Variants in TIMM23B observed in about 807,000 individuals in gnomAD.
TIMM23B encodes mitochondrial import inner membrane translocase subunit Tim23B.
TIMM23B carries 27 observed loss-of-function variants against 27.3 expected under a neutral mutation model. The ratio of observed to expected loss-of-function variants is 0.99; its 90% CI spans 0.73 to 1.36. TIMM23B has a LOEUF of 1.36. TIMM23B is among the 40% of genes most tolerant of loss of function. TIMM23B has a pLI of 0.00. For missense variants in TIMM23B, 205 were observed against 244.2 expected (o/e 0.84, Z 1.07); for synonymous variants, 73 against 92.4 (o/e 0.79, Z 1.21).
rs1482950526 is a variant in TIMM23B at position 49,956,965 on chromosome 10, A to T, written c.404-1405A>T. On this transcript the variant is annotated intron_variant, in intron 5 of 6. Transcript: ENST00000651259. ...CAGTTATGTGGGAATATTTCCCCAC[A>T]TACCAAGTAATCTCTTTTGCAGTGG... is the stretch of plus-strand genomic sequence containing the variant. Among the ~76,000 whole-genome samples the T allele has an allele frequency of 5.2e-4, 77 of 147,630 alleles. 6 individuals carry two copies. Among genetic ancestry groups the T allele is most frequent in the Non-Finnish European group, 1.0e-3 (66 of 65,664 alleles).
At chr10:49,966,203 GATGAAATGAATA>G (rs1338982110) in intron 6 of TIMM23B, among the ~76,000 whole-genome samples, 1 of 146,844 alleles carries the variant, frequency 6.8e-6, no homozygotes, top group East Asian at 2.1e-4. Context: ...AAAATGAAAT[GATGAAATGAATA>G]ATGAAATGCC....
chr10:49,942,247 T>C lies in TIMM23B; in HGVS notation c.53T>C (p.Phe18Ser). 4 of 1,612,906 alleles carry C rather than the reference T, an allele frequency of 2.5e-6. No homozygotes were observed. In the South Asian group the frequency reaches 4.4e-5, roughly 18 times the overall value. ...AAAACCACAGGGGTATTGGCCGGCTTTTTCGGAGCCGGCGAAGCAGGTTAC... is the reference window on the plus strand; with the variant it reads ...AAAACCACAGGGGTATTGGCCGGCTCTTTCGGAGCCGGCGAAGCAGGTTAC... ...GDKTTGVLAG[F>S]FGAGEAGYSH... Residue 18 changes from phenylalanine to serine, a missense_variant, in exon 1 of 7, where the codon TTT (phenylalanine) becomes TCT (serine). Physicochemically the swap from Phe to Ser is radical, Grantham distance 155. Transcript: ENST00000651259.
intron 2 of TIMM23B, 63 bp from the exon 3 acceptor site, chr10:49,952,063 G>A (rs1839550588): frequency 8.0e-6 from 10 of 1,248,380 alleles, no homozygotes; most frequent in Non-Finnish European, 1.2e-5. Context: ...TGTTAAAAAG[G>A]CAACTTTACA....
At chr10:49,961,779 T>C (rs1839924061) in intron 6 of TIMM23B, among the ~76,000 whole-genome samples, 1 of 149,930 alleles carries the variant, frequency 6.7e-6, no homozygotes, top group Non-Finnish European at 1.5e-5. Context: ...TTTTTCATTG[T>C]TTCTTTTTTT....
intron 6 of TIMM23B, among the ~76,000 whole-genome samples, chr10:49,960,403 T>G (rs1839859651): frequency 1.3e-5 from 2 of 150,046 alleles, no homozygotes; most frequent in Non-Finnish European, 3.0e-5. Context: ...ATTATTATCT[T>G]GATTTTTCTT....
intron 4 of TIMM23B, chr10:49,954,325 C>G: frequency 2.2e-6 from 1 of 453,606 alleles, no homozygotes; most frequent in Non-Finnish European, 4.4e-6. Flanking sequence ...CTGGTGGTGT[C>G]TGGCACTGGT....
intron 6 of TIMM23B, among the ~76,000 whole-genome samples, chr10:49,959,116 A>G (rs1839816148): frequency 6.6e-6 from 1 of 152,208 alleles, no homozygotes; most frequent in Non-Finnish European, 1.5e-5. Flanking sequence ...TTTTGGATAT[A>G]TGTGCAGAAG....
In TIMM23B at chr10:49,942,220, A is replaced by G; in HGVS notation, c.26A>G (p.Asp9Gly). ...ATGGAAGGAGGCGGGGGAAGCGGCG[A>G]CAAAACCACAGGGGTATTGGCCGGC... Reference protein sequence around the residue: MEGGGGSGDKTTGVLAGFF... With the variant: MEGGGGSGGKTTGVLAGFF... Residue 9 changes from aspartate to glycine, a missense_variant, in exon 1 of 7, where the codon GAC becomes GGC. Physicochemically the swap from Asp to Gly is moderately conservative, Grantham distance 94 (BLOSUM62 -1). Coordinates refer to ENST00000651259, the MANE Select transcript of TIMM23B (RefSeq NM_001290117.2). The G allele has an allele frequency of 6.2e-7, 1 of 1,611,370 alleles. No individual in the cohort carries two copies. Among genetic ancestry groups the G allele is most frequent in the South Asian group, 1.1e-5 (1 of 90,582 alleles).
At chr10:49,948,781 A>G (rs1839430632) in intron 2 of TIMM23B, among the ~76,000 whole-genome samples, 2 of 152,338 alleles carry the variant, frequency 1.3e-5, no homozygotes, top group Non-Finnish European at 2.9e-5. Flanking sequence ...AATTTATTGT[A>G]GTCTTGGTTG....
Position 49,952,067 on chromosome 10 carries a change from C to CT in TIMM23B, c.166-56dup, listed in dbSNP as rs1409684904. ...ACTACTTGAAATGTTAAAAAGGCAA[C>CT]TTTACAAGATTTGTGTCTTGAGGGA... On this transcript the variant is annotated intron_variant, in intron 2 of 6. Coordinates refer to ENST00000651259, the MANE Select transcript of TIMM23B (RefSeq NM_001290117.2). The CT allele has an allele frequency of 2.3e-6, 3 of 1,304,638 alleles. No homozygotes were observed. The African/African-American group carries it at 4.4e-5, about 19-fold the overall frequency. The allele number at this position is 1,304,638 out of a possible 1,614,324, so 80.8% of individuals were successfully genotyped here.
At chr10:49,946,050 C>T (rs1318197371) in intron 2 of TIMM23B, among the ~76,000 whole-genome samples, 5 of 152,086 alleles carry the variant, frequency 3.3e-5, no homozygotes, top group South Asian at 2.1e-4. Context: ...ATTAGCCAGG[C>T]GTGGTGGTGC....
intron 2 of TIMM23B, among the ~76,000 whole-genome samples, chr10:49,950,432 C>G (rs1315238830): frequency 6.7e-6 from 1 of 150,152 alleles, no homozygotes; most frequent in Non-Finnish European, 1.5e-5. Context: ...GCTTGCAACC[C>G]TTGTTATATT....
intron 1 of TIMM23B, among the ~76,000 whole-genome samples, chr10:49,942,905 C>A (rs1223038857): frequency 6.6e-6 from 1 of 152,104 alleles, no homozygotes. Flanking sequence ...AAATATCTTG[C>A]CTTTGCCTCT....
intron 6 of TIMM23B, among the ~76,000 whole-genome samples, chr10:49,961,163 C>G (rs1402166585): frequency 6.7e-6 from 1 of 150,190 alleles, no homozygotes; most frequent in African/African-American, 2.4e-5. Context: ...GCGGGTGGAT[C>G]CCCTGAGGTC....
intron 6 of TIMM23B, among the ~76,000 whole-genome samples, chr10:49,965,454 T>C (rs1554855239): frequency 6.8e-6 from 1 of 146,716 alleles, no homozygotes; most frequent in East Asian, 2.0e-4. Context: ...GAAATAATAA[T>C]GAAATGCCGG....
rs201679526 is a variant in TIMM23B, at chr10:49,963,693, C to T, written c.514+5213C>T. On this transcript the variant is annotated intron_variant, in intron 6 of 6. Coordinates refer to ENST00000651259, the MANE Select transcript of TIMM23B (RefSeq NM_001290117.2). Reference sequence around the variant, plus strand: ...GAAATGAAATACGAAATACTGGGTGCGGTGGCTCACGCCTGTAATCCTAGC... The same window carrying T: ...GAAATGAAATACGAAATACTGGGTGTGGTGGCTCACGCCTGTAATCCTAGC... Among the ~76,000 whole-genome samples the T allele has an allele frequency of 1.7e-4, 26 of 152,072 alleles. No individual in the cohort carries two copies. In the East Asian group the frequency reaches 3.3e-3, roughly 19 times the overall value.
intron 2 of TIMM23B, among the ~76,000 whole-genome samples, chr10:49,949,206 T>TA (rs1403517745): frequency 6.7e-6 from 1 of 149,824 alleles, no homozygotes; most frequent in Non-Finnish European, 1.5e-5. Context: ...CCTTTTTTTT[T>TA]TTTTTTTTTT....
At chr10:49,968,243 G>A (rs1840252013) in intron 6 of TIMM23B, among the ~76,000 whole-genome samples, 1 of 152,220 alleles carries the variant, frequency 6.6e-6, no homozygotes, top group Non-Finnish European at 1.5e-5. Context: ...CATGCATGTT[G>A]GAGAAAGTGT....
intron 2 of TIMM23B, among the ~76,000 whole-genome samples, chr10:49,949,042 C>T (rs1334213993): frequency 6.6e-6 from 1 of 152,090 alleles, no homozygotes; most frequent in Non-Finnish European, 1.5e-5. Flanking sequence ...TGAACACCAC[C>T]ATGCCTGGCT....
Sources: allele counts gnomAD v4.1 joint callset (sites outside exome capture counted in the v4.1 genomes callset), GRCh38; gene constraint gnomAD v4.1.1; transcripts MANE v1.5; gene names NCBI Gene and HGNC (gene_info 2026-07-23, HGNC 2026-07-21).